Variants in IGSF10 observed in about 807,000 individuals in gnomAD.
IGSF10 encodes immunoglobulin superfamily member 10, also known as calvaria mechanical force protein 608.
In IGSF10, 126 loss-of-function variants were observed where a neutral mutation model predicts 128.2. That is an observed-to-expected ratio of 0.98 (90% CI 0.85 to 1.14). IGSF10 has a LOEUF of 1.14. Among genes scored for constraint, IGSF10 ranks in the 50% most tolerant of loss-of-function variants. The pLI, the probability that IGSF10 is intolerant of heterozygous loss-of-function variation, is 0.00. For missense variants in IGSF10, 3,295 were observed against 3,149.8 expected (o/e 1.05, Z -1.10); for synonymous variants, 1,185 against 1,146.2 (o/e 1.03, Z -0.68).
chr3:151,564,496 A>T, the IGSF10 span, among the ~76,000 whole-genome samples: 1 of 151,938 alleles, frequency 6.6e-6, no homozygotes, highest in Non-Finnish European at 1.5e-5. Flanking sequence ...TGGGAAATTG[A>T]CCATGAAAGT....
At chr3:151,467,754 G>C in the IGSF10 span, among the ~76,000 whole-genome samples, 2 of 151,814 alleles carry the variant, frequency 1.3e-5, no homozygotes, top group African/African-American at 2.4e-5. Context: ...CGAGGTGGCG[G>C]GCACCTGTAG....
chr3:151,492,395 C>T, the IGSF10 span, among the ~76,000 whole-genome samples: 52 of 152,276 alleles, frequency 3.4e-4, no homozygotes, highest in Non-Finnish European at 2.9e-5. Context: ...GAAACCCCAA[C>T]ACACTGCTGA....
At chr3:151,492,367 G>A in the IGSF10 span, among the ~76,000 whole-genome samples, 5 of 152,170 alleles carry the variant, frequency 3.3e-5, no homozygotes, top group South Asian at 2.1e-4. Flanking sequence ...AAATGTTGGC[G>A]AGGATATGGA....
chr3:151,616,670 G>T, the IGSF10 span, among the ~76,000 whole-genome samples: 65 of 152,210 alleles, frequency 4.3e-4, no homozygotes, highest in African/African-American at 1.5e-3. Context: ...TTGACAAGCT[G>T]AGTAAAAATG....
the IGSF10 span, among the ~76,000 whole-genome samples, chr3:151,478,251 G>A: frequency 6.6e-6 from 1 of 152,232 alleles, no homozygotes; most frequent in East Asian, 1.9e-4. Flanking sequence ...TCCTGTGTTA[G>A]AGCTGAACAT....
At position 151,446,459 on chromosome 3, in the gene IGSF10, ATC is replaced by A. The variant is rs752966827; in HGVS notation, c.3520_3521del (p.Asp1174PhefsTer38). On this transcript the variant is annotated frameshift_variant, in exon 6 of 8. Transcript: ENST00000282466. LOFTEE classifies it high-confidence loss of function. ...RVSSTNEAKR[D>X]SVITSSLSGA... ...CTGAAAGTGACGATGTAATCACTGAATCTCTTTTAGCTTCATTGGTGCTAGAC... is the reference window on the plus strand; with the variant it reads ...CTGAAAGTGACGATGTAATCACTGAATCTTTTAGCTTCATTGGTGCTAGAC... The A allele has an allele frequency of 1.2e-6, 2 of 1,614,090 alleles. No individual in the cohort carries two copies. The highest frequency in any genetic ancestry group is 4.5e-5 in the East Asian group (2 of 44,880).
chr3:151,530,559 T>C, the IGSF10 span, among the ~76,000 whole-genome samples: 11 of 152,254 alleles, frequency 7.2e-5, no homozygotes, highest in African/African-American at 2.4e-4. Context: ...GGGGGCAATA[T>C]TCAACGTTCT....
At chr3:151,458,434 C>A in intron 3 of IGSF10, 82 bp downstream of exon 3, 2 of 999,928 alleles carry the variant, frequency 2.0e-6, no homozygotes, top group East Asian at 2.7e-5. Context: ...GATTCATCTC[C>A]CAAAGTCATA....
rs1253641593 is a variant in IGSF10, at chr3:151,453,616, T to G, written c.483A>C (p.Glu161Asp). 6.2e-7 allele frequency: 1 copy of G among 1,614,086 alleles called. No individual in the cohort carries two copies. The change falls in exon 5 of 8, where the codon GAA becomes GAC. Residue 161 changes from glutamate to aspartate, a missense_variant. Coordinates refer to ENST00000282466, the MANE Select transcript of IGSF10 (RefSeq NM_178822.5). ...GGTGGAGCTTAGTGAGCTGATTTCC[T>G]TCCAAGTGCACCAGGCGGAGAAAGT... ...GLNFLRLVHL[E>D]GNQLTKLHPD... is the part of the protein sequence containing the mutation.
Position 151,443,479 on chromosome 3 carries a change from C to T in IGSF10, c.5468G>A (p.Ser1823Asn), listed in dbSNP as rs1346278837. 5 of 1,614,120 alleles carry T rather than the reference C, an allele frequency of 3.1e-6. No individual in the cohort carries two copies. The highest frequency in any genetic ancestry group is 2.7e-5 in the African/African-American group (2 of 74,944). ...CAGTGAATCCTGGCCACCTGGGTTG[C>T]TGGCCACACATTTGTAAAAGCCACG... ...YDRGFYKCVA[S>N]NPGGQDSLLV... The change falls in exon 7 of 8, where the codon AGC becomes AAC. Residue 1823 changes from serine to asparagine, a missense_variant. Ser to Asn is a conservative substitution (Grantham distance 46). Coordinates refer to ENST00000282466, the MANE Select transcript of IGSF10 (RefSeq NM_178822.5).
the IGSF10 span, among the ~76,000 whole-genome samples, chr3:151,503,420 A>G: frequency 6.6e-6 from 1 of 152,122 alleles, no homozygotes; most frequent in Admixed American, 6.6e-5. Flanking sequence ...AAATAAAAAC[A>G]TGAATTTGAA....
chr3:151,497,767 C>A, the IGSF10 span, among the ~76,000 whole-genome samples: 1 of 152,070 alleles, frequency 6.6e-6, no homozygotes, highest in South Asian at 2.1e-4. Context: ...TTACTTTGGG[C>A]AGTATGGCCA....
At chr3:151,507,505 G>A in the IGSF10 span, among the ~76,000 whole-genome samples, 5 of 152,118 alleles carry the variant, frequency 3.3e-5, no homozygotes, top group Non-Finnish European at 5.9e-5. Flanking sequence ...GAGACTTGAC[G>A]ATTTATAAAG....
intron 7 of IGSF10, among the ~76,000 whole-genome samples, chr3:151,439,009 G>T (rs1449344978): frequency 1.3e-5 from 2 of 152,082 alleles, no homozygotes; most frequent in African/African-American, 4.8e-5. Context: ...TTTGCTGAAA[G>T]ATGAAATTAT....
chr3:151,520,457 G>A, the IGSF10 span, among the ~76,000 whole-genome samples: 1 of 151,680 alleles, frequency 6.6e-6, no homozygotes, highest in African/African-American at 2.4e-5. Context: ...ACTGGTAGAA[G>A]TATTCTGATT....
chr3:151,437,125 A>C lies in IGSF10; in HGVS notation c.7436T>G (p.Ile2479Ser), dbSNP rs1720366301. The change falls in exon 8 of 8, where the codon ATT becomes AGT. Residue 2479 changes from isoleucine (I) to serine (S), a missense_variant. By Grantham distance (142) the Ile-to-Ser change is moderately radical (BLOSUM62 -2). Coordinates refer to ENST00000282466, the MANE Select transcript of IGSF10 (RefSeq NM_178822.5). ...GTCATGCAATATGTATTTCCCATTA[A>C]TTTGAGGCCTGTCTACTACATAACC... The part of the protein sequence containing the change: ...PSGYVVDRPQ[I>S]NGKYILHDNG... 8 of 1,614,134 alleles carry C rather than the reference A, an allele frequency of 5.0e-6. No individual in the cohort carries two copies. In the Middle Eastern group the frequency reaches 6.6e-4, roughly 133 times the overall value.
chr3:151,546,679 A>G, the IGSF10 span, among the ~76,000 whole-genome samples: 2 of 152,104 alleles, frequency 1.3e-5, no homozygotes, highest in Non-Finnish European at 2.9e-5. Context: ...TTGCTTGTAC[A>G]AGCCTGATGA....
At chr3:151,450,771 C>T (rs1420667665) in intron 5 of IGSF10, among the ~76,000 whole-genome samples, 1 of 151,692 alleles carries the variant, frequency 6.6e-6, no homozygotes, top group Non-Finnish European at 1.5e-5. Flanking sequence ...TGGCACATGT[C>T]TATAATCCCA....
At chr3:151,616,364 CTT>C in the IGSF10 span, among the ~76,000 whole-genome samples, 29 of 152,268 alleles carry the variant, frequency 1.9e-4, no homozygotes, top group Non-Finnish European at 2.8e-4. Flanking sequence ...TTAAGTGTAA[CTT>C]AATGTATAGA....
Sources: gnomAD v4.1 joint callset for allele counts (sites outside exome capture counted in the v4.1 genomes callset) on GRCh38, gnomAD v4.1.1 for gene constraint, MANE v1.5 for transcripts, NCBI Gene and HGNC (gene_info 2026-07-23, HGNC 2026-07-21) for gene names.